CHD9: variants seen among roughly 807,000 people sequenced by gnomAD.
The protein encoded by CHD9 is ATP-dependent chromatin remodeler CHD9.
In CHD9, 77 loss-of-function variants were observed where a neutral mutation model predicts 316.1. The ratio of observed to expected loss-of-function variants is 0.24; its 90% confidence interval spans 0.20 to 0.29. The LOEUF is 0.29. Ranked by LOEUF, CHD9 falls within the 10% of genes least tolerant of loss-of-function variation. The pLI is 1.00. For synonymous variants in CHD9, 1,129 were observed against 1,158.3 expected, an observed-to-expected ratio of 0.97 and a Z score of 0.51; for missense variants, 2,763 against 3,438.1, an observed-to-expected ratio of 0.80 and a Z score of 4.91.
chr16:53,110,623 C>A (rs950924639), intron 1 of CHD9, among the ~76,000 whole-genome samples: 2 of 152,016 alleles, frequency 1.3e-5, no homozygotes, highest in South Asian at 2.1e-4. Flanking sequence ...ATTAGCCAGG[C>A]GTGCTGGTGT....
At position 53,247,304 on chromosome 16, in the gene CHD9, A is replaced by C. The variant is rs1263296387; in HGVS notation, c.3466A>C (p.Lys1156Gln). Residue 1156 changes from lysine to glutamine, a missense_variant, in exon 16 of 39, where the codon AAA becomes CAA. Physicochemically the swap from Lys to Gln is moderately conservative, Grantham distance 53 (BLOSUM62 1). This residue lies in a region of CHD9 where 155 missense variants were observed against 291.8 expected (regional missense o/e 0.53). Transcript: ENST00000447540. Reference sequence around the variant, plus strand: ...TATTTCTTTGACAGGTGCTGAGGAGAAAATACTTGGAGAATTTAGAGATAC... The same window carrying C: ...TATTTCTTTGACAGGTGCTGAGGAGCAAATACTTGGAGAATTTAGAGATAC... ...HPYLIKGAEE[K>Q]ILGEFRDTYN... The C allele has an allele frequency of 1.3e-6, 2 of 1,596,764 alleles. No homozygotes were observed. The highest frequency in any genetic ancestry group is 1.7e-6 in the Non-Finnish European group (2 of 1,170,362).
chr16:53,271,401 T>A (rs1034315179), intron 22 of CHD9, among the ~76,000 whole-genome samples: 2 of 151,866 alleles, frequency 1.3e-5, no homozygotes, highest in East Asian at 1.9e-4. Flanking sequence ...AAACCCCGTC[T>A]CTACTAAAAA....
chr16:53,158,604 C>A (rs2041687976), intron 2 of CHD9, among the ~76,000 whole-genome samples: 1 of 152,008 alleles, frequency 6.6e-6, no homozygotes, highest in African/African-American at 2.4e-5. Context: ...CTATGCCTAG[C>A]ATATAGTTAG....
intron 1 of CHD9, among the ~76,000 whole-genome samples, chr16:53,147,122 T>A (rs1317648163): frequency 6.6e-6 from 1 of 152,106 alleles, no homozygotes; most frequent in East Asian, 1.9e-4. Context: ...ATATGTAAAC[T>A]ATAGAATGTT....
At chr16:53,055,238 C>T (rs969233389) in intron 1 of CHD9, among the ~76,000 whole-genome samples, 161 bp downstream of exon 1, 2 of 152,188 alleles carry the variant, frequency 1.3e-5, no homozygotes, top group African/African-American at 4.8e-5. Flanking sequence ...CCCGCAGCCT[C>T]GGAGCTGGGC....
At chr16:53,134,530 T>C (rs1276696281) in intron 1 of CHD9, among the ~76,000 whole-genome samples, 1 of 152,186 alleles carries the variant, frequency 6.6e-6, no homozygotes, top group Non-Finnish European at 1.5e-5. Flanking sequence ...AATTCCACCT[T>C]GTGAATAAAA....
At position 53,304,376 on chromosome 16, in the gene CHD9, C is replaced by G. The variant is rs1320672757; in HGVS notation, c.6370C>G (p.His2124Asp). ...CCCAGCTTCTAAGAAACCAAGAGTC[C>G]ACAAAAGGGGATCAGAATCTAGTTC... is the stretch of plus-strand genomic sequence containing the variant. ...PNPASKKPRVHKRGSESSSDS... is the reference protein window; with the variant it reads ...PNPASKKPRVDKRGSESSSDS... Residue 2124 changes from histidine (H) to aspartate (D), a missense_variant, in exon 31 of 39, where the codon CAC becomes GAC. This residue lies in a region of CHD9 where 663 missense variants were observed against 751.2 expected (regional missense o/e 0.88). Transcript: ENST00000447540. 1 of 1,613,312 alleles carries G rather than the reference C, an allele frequency of 6.2e-7. No homozygotes were observed. Among genetic ancestry groups the G allele is most frequent in the South Asian group, 1.1e-5 (1 of 90,912 alleles).
chr16:53,195,085 C>T (rs1199866207), intron 2 of CHD9, among the ~76,000 whole-genome samples: 1 of 152,102 alleles, frequency 6.6e-6, no homozygotes, highest in Non-Finnish European at 1.5e-5. Context: ...AATGTACATA[C>T]AGAAAATACA....
At chr16:53,084,181 C>T (rs1321903379) in intron 1 of CHD9, among the ~76,000 whole-genome samples, 4 of 152,084 alleles carry the variant, frequency 2.6e-5, no homozygotes, top group Non-Finnish European at 4.4e-5. Context: ...TGTGAGCCAC[C>T]GCACCAGTAG....
chr16:53,178,427 CTTTT>C (rs10569589), intron 2 of CHD9, among the ~76,000 whole-genome samples: 3 of 98,972 alleles, frequency 3.0e-5, no homozygotes, highest in Admixed American at 1.1e-4. Flanking sequence ...TTGTTGGTTT[CTTTT>C]TTTTTTTTTT....
At chr16:53,172,300 A>G (rs1288046513) in intron 2 of CHD9, among the ~76,000 whole-genome samples, 1 of 152,174 alleles carries the variant, frequency 6.6e-6, no homozygotes, top group Non-Finnish European at 1.5e-5. Flanking sequence ...TACAGTTTGT[A>G]TAGCTTCTTT....
chr16:53,120,002 G>A (rs747834446), intron 1 of CHD9, among the ~76,000 whole-genome samples: 19 of 151,870 alleles, frequency 1.3e-4, no homozygotes, highest in South Asian at 2.1e-4. Flanking sequence ...GACGCAGGAG[G>A]GTTGCTTAAG....
At chr16:53,291,559 G>A (rs1326056741) in intron 27 of CHD9, among the ~76,000 whole-genome samples, 166 bp from the exon 28 acceptor site, 1 of 152,202 alleles carries the variant, frequency 6.6e-6, no homozygotes, top group African/African-American at 2.4e-5. Flanking sequence ...GAAAGGATGA[G>A]AATTGAGAAT....
chr16:53,301,767 C>CT (rs199846098), intron 30 of CHD9, among the ~76,000 whole-genome samples: 4,452 of 126,170 alleles, frequency 0.035, 108 homozygotes, highest in Non-Finnish European at 0.053. Context: ...TCTTTTTTTT[C>CT]TTTTTTTTTT....
intron 1 of CHD9, among the ~76,000 whole-genome samples, chr16:53,096,602 C>T (rs1001994555): frequency 7.9e-5 from 12 of 152,196 alleles, no homozygotes; most frequent in African/African-American, 2.9e-4. Flanking sequence ...GATCTGAACG[C>T]TGGCATCTGA....
chr16:53,121,402 C>T lies in CHD9; in HGVS notation c.-164-34524C>T, dbSNP rs1017130627. On this transcript the variant is annotated intron_variant, in intron 1 of 38. Coordinates refer to ENST00000447540, the MANE Select transcript of CHD9 (RefSeq NM_001308319.2). The stretch of plus-strand genomic sequence containing the variant: ...TATTTTATCAAGGAAACCAGCAAAC[C>T]GTCTTTTTCCTGAAGACCTTTTAAG... 1.5e-5 allele frequency: 7 copies of T among 455,924 alleles called. No homozygotes were observed. The East Asian group carries it at 2.1e-4, about 14-fold the overall frequency. 28.2% of individuals were successfully genotyped at this position (455,924 alleles called of 1,614,324 possible).
intron 2 of CHD9, among the ~76,000 whole-genome samples, chr16:53,209,037 A>T (rs937084772): frequency 7.2e-5 from 11 of 152,184 alleles, no homozygotes; most frequent in Non-Finnish European, 1.6e-4. Flanking sequence ...CGTAAAGCAG[A>T]GGTTTTATTT....
chr16:53,295,447 C>A (rs2054693657), intron 29 of CHD9, among the ~76,000 whole-genome samples: 1 of 152,064 alleles, frequency 6.6e-6, no homozygotes, highest in South Asian at 2.1e-4. Context: ...ATTTTTTTAA[C>A]CAGTCTAGCT....
chr16:53,123,301 C>T (rs575173728), intron 1 of CHD9, among the ~76,000 whole-genome samples: 4 of 150,920 alleles, frequency 2.7e-5, no homozygotes, highest in South Asian at 2.1e-4. Flanking sequence ...ATTTTATTGC[C>T]CCCCAGAAGA....
Sources: allele counts gnomAD v4.1 joint callset (sites outside exome capture counted in the v4.1 genomes callset), GRCh38; gene constraint gnomAD v4.1.1; regional missense constraint gnomAD v4.1.1; transcripts MANE v1.5; gene names NCBI Gene and HGNC (gene_info 2026-07-23, HGNC 2026-07-21).